The following ZNF529 variants were observed in gnomAD, a reference collection of about 807,000 sequenced individuals.
The protein encoded by ZNF529 is zinc finger protein 529.
In ZNF529, 11 loss-of-function variants were observed where a neutral mutation model predicts 10.1. The observed-to-expected ratio is 1.09, with a 90% confidence interval of 0.69 to 1.81. The LOEUF (loss-of-function observed/expected upper bound fraction) is 1.81, where lower values mean the gene tolerates loss of function less well. Ranked by LOEUF, ZNF529 falls within the 40% of genes most tolerant of loss-of-function variation. ZNF529 has a pLI of 0.00. For missense variants in ZNF529, 624 were observed against 666.8 expected, an observed-to-expected ratio of 0.94 and a Z score of 0.71; for synonymous variants, 204 against 215.7, an observed-to-expected ratio of 0.95 and a Z score of 0.47.
intron 1 of ZNF529, 110 bp from the exon 2 acceptor site, chr19:36,572,502 G>C (rs950411292): frequency 1.2e-6 from 1 of 800,582 alleles, no homozygotes; most frequent in Non-Finnish European, 2.0e-6. Flanking sequence ...CACCCAGATC[G>C]AAGAGGGAAA....
intron 2 of ZNF529, among the ~76,000 whole-genome samples, chr19:36,570,401 G>C (rs1380331908): frequency 7.2e-6 from 1 of 139,026 alleles, no homozygotes; most frequent in Non-Finnish European, 1.6e-5. Context: ...AAAGAAAAAA[G>C]AAAACAAAGC....
At chr19:36,571,046 T>C (rs1424389722) in intron 2 of ZNF529, among the ~76,000 whole-genome samples, 2 of 152,216 alleles carry the variant, frequency 1.3e-5, no homozygotes, top group Non-Finnish European at 2.9e-5. Context: ...TTTAAATTTT[T>C]TTCACTTTTC....
intron 1 of ZNF529, among the ~76,000 whole-genome samples, chr19:36,598,079 A>G (rs552031006): frequency 6.6e-6 from 1 of 152,344 alleles, no homozygotes; most frequent in Non-Finnish European, 1.5e-5. Flanking sequence ...AAAGTTGGTC[A>G]GGTCACGAGA....
Position 36,582,060 on chromosome 19 carries a change from C to T in ZNF529, c.-41+7555G>A, listed in dbSNP as rs1310154847. The T allele has an allele frequency of 2.0e-5, 3 of 152,110 alleles. No individual in the cohort carries two copies. In the East Asian group the frequency reaches 5.8e-4, roughly 29 times the overall value. 9.4% of individuals were successfully genotyped at this position (152,110 alleles called of 1,614,324 possible). On this transcript the variant is annotated intron_variant, in intron 2 of 4. Coordinates refer to the ZNF529 transcript ENST00000585960. The stretch of plus-strand genomic sequence containing the variant: ...CATATGAAGTATCTAGAGTAGTCCA[C>T]CTCATAAAATCAGAAAGTATTACTG...
At chr19:36,569,759 ACT>A (rs1403979888) in intron 2 of ZNF529, among the ~76,000 whole-genome samples, 1 of 152,002 alleles carries the variant, frequency 6.6e-6, no homozygotes, top group Non-Finnish European at 1.5e-5. Flanking sequence ...ACAGGGCAAG[ACT>A]CTTGTTGCAA....
chr19:36,590,604 T>C (rs924044730), intron 1 of ZNF529, among the ~76,000 whole-genome samples: 6 of 151,924 alleles, frequency 3.9e-5, no homozygotes, highest in African/African-American at 1.4e-4. Flanking sequence ...TTAGCCAAAC[T>C]AAAAGTGAAT....
In ZNF529 at chr19:36,572,238, C is replaced by A. The variant is rs188261082; in HGVS notation, c.14+95G>T. 5.8e-4 allele frequency: 758 copies of A among 1,312,526 alleles called. 1 individual carries two copies. In the African/African-American group the frequency reaches 0.01, roughly 18 times the overall value. 81.3% of individuals were successfully genotyped at this position (1,312,526 alleles called of 1,614,324 possible). A position where few individuals can be genotyped will look rare whatever the true frequency, so the allele number is the denominator to read the frequency against. On this transcript the variant is annotated intron_variant, in intron 2 of 4. Transcript: ENST00000591340. ...AAAGGGAAATGGGCATTTGGAAAGG[C>A]AATGGAGGACAAGGGGACCCATCTC...
At chr19:36,586,298 CTG>C (rs1456851551) in intron 2 of ZNF529, among the ~76,000 whole-genome samples, 1 of 152,134 alleles carries the variant, frequency 6.6e-6, no homozygotes, top group Non-Finnish European at 1.5e-5. Context: ...AGACACCACT[CTG>C]TGTCATAAAA....
chr19:36,600,076 T>G (rs569252787), intron 1 of ZNF529, among the ~76,000 whole-genome samples: 1 of 151,964 alleles, frequency 6.6e-6, no homozygotes, highest in East Asian at 1.9e-4. Context: ...ACCATGTTGG[T>G]CAGGCTAGTC....
chr19:36,556,517 C>T (rs934112568), intron 2 of ZNF529, among the ~76,000 whole-genome samples: 11 of 152,162 alleles, frequency 7.2e-5, no homozygotes, highest in African/African-American at 1.9e-4. Flanking sequence ...TTACCTGTTG[C>T]GCAGCTGAAG....
chr19:36,570,045 C>T (rs3108594), intron 2 of ZNF529, among the ~76,000 whole-genome samples: 49,539 of 151,918 alleles, frequency 0.33, 8,443 homozygotes, highest in South Asian at 0.42. Flanking sequence ...CCTTCATGCC[C>T]ACATGACTGA....
At chr19:36,575,697 C>T (rs1303526391), upstream of ZNF529, among the ~76,000 whole-genome samples, 1 of 152,058 alleles carries the variant, frequency 6.6e-6, no homozygotes, top group Non-Finnish European at 1.5e-5. Context: ...TAATTACTTT[C>T]TTCTCTACTT....
chr19:36,569,548 C>T (rs954561881), intron 2 of ZNF529, among the ~76,000 whole-genome samples: 14 of 151,816 alleles, frequency 9.2e-5, no homozygotes, highest in Non-Finnish European at 1.6e-4. Context: ...GCAAACAACA[C>T]GAGGCCAGGA....
At chr19:36,573,901 G>T (rs911715854), upstream of ZNF529, among the ~76,000 whole-genome samples, 2 of 152,188 alleles carry the variant, frequency 1.3e-5, no homozygotes, top group Non-Finnish European at 2.9e-5. Flanking sequence ...TGTGACCCGT[G>T]GTCGTAAACC....
chr19:36,561,511 T>C (rs2035696051), intron 2 of ZNF529, among the ~76,000 whole-genome samples: 1 of 151,670 alleles, frequency 6.6e-6, no homozygotes, highest in African/African-American at 2.4e-5. Context: ...GCCTCCCAAA[T>C]AGCTGGGATT....
chr19:36,587,099 TA>T (rs763613641), intron 2 of ZNF529, among the ~76,000 whole-genome samples: 6 of 151,922 alleles, frequency 3.9e-5, no homozygotes, highest in Non-Finnish European at 2.9e-5. Flanking sequence ...ACCCCATCTC[TA>T]CTAAAAATAC....
Position 36,547,219 on chromosome 19 carries a change from G to A in ZNF529, c.1339C>T (p.Gln447Ter). ...CACTCCTTACATTCATAAGGTTTTT[G>A]ACCACTGTGAATTCTTTCATGTCGA... ...LTRHERIHSG[Q>*]KPYECKECGK... Residue 447 changes from glutamine to a stop codon, truncating the protein, a stop_gained, in exon 5 of 5, where the codon CAA (glutamine) becomes TAA (stop). Transcript: ENST00000591340. LOFTEE classifies it low-confidence loss of function (END_TRUNC). The A allele has an allele frequency of 6.2e-7, 1 of 1,613,644 alleles. No homozygotes were observed. The highest frequency in any genetic ancestry group is 8.5e-7 in the Non-Finnish European group (1 of 1,179,770).
intron 4 of ZNF529, among the ~76,000 whole-genome samples, chr19:36,550,752 TAAAGA>T (rs1218726200): frequency 6.6e-6 from 1 of 152,060 alleles, no homozygotes; most frequent in Non-Finnish European, 1.5e-5. Flanking sequence ...AACAGTGACC[TAAAGA>T]AAAGGTGAGG....
intron 2 of ZNF529, among the ~76,000 whole-genome samples, chr19:36,565,955 G>A (rs1369266914): frequency 2.0e-5 from 3 of 152,182 alleles, no homozygotes; most frequent in Non-Finnish European, 4.4e-5. Context: ...TAAGGAGTAT[G>A]CAGCACAGTT....
Sources: allele counts gnomAD v4.1 joint callset (sites outside exome capture counted in the v4.1 genomes callset), GRCh38; gene constraint gnomAD v4.1.1; transcripts MANE v1.5; gene names NCBI Gene and HGNC (gene_info 2026-07-23, HGNC 2026-07-21).